The following NF2 variants were observed in gnomAD, a reference collection of about 807,000 sequenced individuals.
The protein encoded by NF2 is NF2, moesin-ezrin-radixin like (MERLIN) tumor suppressor, also known as merlin.
Under a neutral mutation model 83.7 loss-of-function variants are expected in NF2, and 8 were observed. That is an observed-to-expected ratio of 0.10 (90% CI 0.06 to 0.17). The LOEUF (loss-of-function observed/expected upper bound fraction) is 0.17. NF2 is among the 10% of genes least tolerant of loss of function. The pLI is 1.00. For missense variants in NF2, 533 were observed against 744.4 expected, an observed-to-expected ratio of 0.72 and a Z score of 3.31; for synonymous variants, 266 against 269.6, an observed-to-expected ratio of 0.99 and a Z score of 0.13.
intron 4 of NF2, among the ~76,000 whole-genome samples, chr22:29,648,675 G>A (rs1383555330): frequency 6.6e-6 from 1 of 152,172 alleles, no homozygotes; most frequent in Non-Finnish European, 1.5e-5. Flanking sequence ...TCACCCAGGT[G>A]GCACAATCTC....
At chr22:29,640,876 G>A (rs2065788984) in intron 3 of NF2, among the ~76,000 whole-genome samples, 2 of 152,184 alleles carry the variant, frequency 1.3e-5, no homozygotes, top group South Asian at 2.1e-4. Context: ...GCTCATGCCT[G>A]TAATCCCAGC....
Position 29,694,765 on chromosome 22 carries a change from G to A in NF2, c.1751G>A (p.Ser584Asn), listed in dbSNP as rs761874138. 1.2e-6 allele frequency: 2 copies of A among 1,613,866 alleles called. No homozygotes were observed. Among genetic ancestry groups the A allele is most frequent in the Non-Finnish European group, 1.7e-6 (2 of 1,179,918 alleles). The change falls in exon 16 of 16, where the codon AGC becomes AAC. Residue 584 changes from serine (S) to asparagine (N), a missense_variant. Coordinates refer to ENST00000338641, the MANE Select transcript of NF2 (RefSeq NM_000268.4). The surrounding 1 kb of genome is among the most constrained non-coding windows in gnomAD (Gnocchi z 4.1). ...HNTIKKLTLQSAKSRVAFFEE... is the reference protein window; with the variant it reads ...HNTIKKLTLQNAKSRVAFFEE... ...GCTTTCTTACAGCTCACCTTGCAGA[G>A]CGCCAAGTCCCGAGTGGCCTTCTTT...
chr22:29,671,997 T>G, intron 11 of NF2, 49 bp downstream of exon 11: 1 of 1,613,520 alleles, frequency 6.2e-7, no homozygotes, highest in Non-Finnish European at 8.5e-7. Context: ...GGGACTTCCT[T>G]GGCTTTTCTG....
chr22:29,689,780 C>T (rs2067358769), intron 15 of NF2, among the ~76,000 whole-genome samples: 1 of 152,218 alleles, frequency 6.6e-6, no homozygotes, highest in Admixed American at 6.5e-5. Flanking sequence ...TCTCCCCCAA[C>T]CTTCCCTTGC....
intron 1 of NF2, among the ~76,000 whole-genome samples, chr22:29,630,326 G>A (rs1385929863): frequency 1.3e-5 from 2 of 152,148 alleles, no homozygotes; most frequent in African/African-American, 2.4e-5. Context: ...AACATTCTAG[G>A]TTGATAAATT....
At chr22:29,615,957 T>C (rs1269120640) in intron 1 of NF2, among the ~76,000 whole-genome samples, 1 of 152,158 alleles carries the variant, frequency 6.6e-6, no homozygotes, top group African/African-American at 2.4e-5. Flanking sequence ...ATAAACAAAA[T>C]GTGGTCTATC....
chr22:29,616,808 G>C (rs2065093116), intron 1 of NF2, among the ~76,000 whole-genome samples: 1 of 152,116 alleles, frequency 6.6e-6, no homozygotes, highest in South Asian at 2.1e-4. Context: ...ATAGGTGGTG[G>C]GTTGGATTTG....
At chr22:29,618,572 G>C (rs2065134094) in intron 1 of NF2, among the ~76,000 whole-genome samples, 1 of 152,128 alleles carries the variant, frequency 6.6e-6, no homozygotes, top group South Asian at 2.1e-4. Flanking sequence ...TGAGAAAGTG[G>C]GTGCTGAGTG....
At chr22:29,664,264 T>G (rs1187978241) in intron 8 of NF2, among the ~76,000 whole-genome samples, 1 of 152,016 alleles carries the variant, frequency 6.6e-6, no homozygotes, top group Non-Finnish European at 1.5e-5. Flanking sequence ...TGAGCCACCA[T>G]ATCTGGCCGC....
chr22:29,637,687 C>T (rs994979869), intron 2 of NF2, among the ~76,000 whole-genome samples: 7 of 126,070 alleles, frequency 5.6e-5, no homozygotes, highest in Admixed American at 3.9e-4. Flanking sequence ...ATGAAAGCTT[C>T]CTATTTTTTT....
chr22:29,648,131 A>AAAATAAATAAAT lies in NF2; in HGVS notation c.447+5870_447+5881dup, dbSNP rs56407600. ...GGACGACAGAGTGAGACTCCATCTCAAAATAAATAAATAAATAAATAAATA... is the reference window on the plus strand; with the variant it reads ...GGACGACAGAGTGAGACTCCATCTCAAAATAAATAAATAAATAAATAAATAAATAAATAAATA... On this transcript the variant is annotated intron_variant, in intron 4 of 15. Coordinates refer to ENST00000338641, the MANE Select transcript of NF2 (RefSeq NM_000268.4). Among the ~76,000 whole-genome samples the AAAATAAATAAAT allele has an allele frequency of 6.8e-3, 995 of 145,342 alleles. 10 individuals carry two copies. Among genetic ancestry groups the AAAATAAATAAAT allele is most frequent in the East Asian group, 0.017 (85 of 4,960 alleles).
chr22:29,684,036 T>C (rs2067214334), intron 15 of NF2: 1 of 529,034 alleles, frequency 1.9e-6, no homozygotes, highest in Non-Finnish European at 2.5e-6. Context: ...AATAAGCTCA[T>C]TGGAACCTTT....
intron 15 of NF2, among the ~76,000 whole-genome samples, chr22:29,686,104 A>G (rs183765833): frequency 1.3e-5 from 2 of 152,350 alleles, no homozygotes; most frequent in East Asian, 3.9e-4. Context: ...GTGGATAAAA[A>G]TAGTCTTTGC....
chr22:29,637,694 T>A lies in NF2; in HGVS notation c.240+818T>A, dbSNP rs1264547929. ...AATAAATAATGAAAGCTTCCTATTTTTTTTTTTTTTACCAGTTTGACTCAA... is the reference window on the plus strand; with the variant it reads ...AATAAATAATGAAAGCTTCCTATTTATTTTTTTTTTACCAGTTTGACTCAA... On this transcript the variant is annotated intron_variant, in intron 2 of 15. Transcript: ENST00000338641. 2.6e-5 allele frequency among the ~76,000 whole-genome samples: 4 copies of A among 152,184 alleles called. No homozygotes were observed. In the South Asian group the frequency reaches 8.3e-4, roughly 32 times the overall value.
intron 4 of NF2, among the ~76,000 whole-genome samples, chr22:29,645,028 G>A (rs2065945484): frequency 6.6e-6 from 1 of 152,122 alleles, no homozygotes; most frequent in Non-Finnish European, 1.5e-5. Flanking sequence ...TTTAATTAAA[G>A]GTGTTCATGA....
In NF2 at chr22:29,677,557, C is replaced by G. The variant is rs374520578; in HGVS notation, c.1447-639C>G. Among the ~76,000 whole-genome samples the G allele has an allele frequency of 6.7e-5, 10 of 149,784 alleles. No individual in the cohort carries two copies. In the East Asian group the frequency reaches 2.0e-3, roughly 30 times the overall value. On this transcript the variant is annotated intron_variant, in intron 13 of 15. Transcript: ENST00000338641. Reference sequence around the variant, plus strand: ...CAGGCCCTACTCCGGTTCCATTGTCCAAGCCCAAGCCCCTCGGTGGGCCGG... The same window carrying G: ...CAGGCCCTACTCCGGTTCCATTGTCGAAGCCCAAGCCCCTCGGTGGGCCGG...
At chr22:29,682,820 G>C (rs1355976038) in intron 15 of NF2, among the ~76,000 whole-genome samples, 1 of 152,106 alleles carries the variant, frequency 6.6e-6, no homozygotes, top group Non-Finnish European at 1.5e-5. Flanking sequence ...CATTTCCACT[G>C]CTGCTGCAAT....
chr22:29,619,319 AC>A (rs2146750553), intron 1 of NF2, among the ~76,000 whole-genome samples: 1 of 152,194 alleles, frequency 6.6e-6, no homozygotes, highest in East Asian at 1.9e-4. Flanking sequence ...TGCTGGGATT[AC>A]AGGCACGAGC....
chr22:29,607,962 C>T (rs986357248), intron 1 of NF2, among the ~76,000 whole-genome samples: 8 of 151,558 alleles, frequency 5.3e-5, no homozygotes, highest in Admixed American at 5.3e-4. Flanking sequence ...CACCTGAGGT[C>T]GGGAGTTCGA....
Sources: gnomAD v4.1 joint callset for allele counts (sites outside exome capture counted in the v4.1 genomes callset) on GRCh38, gnomAD v4.1.1 for gene constraint, Gnocchi (gnomAD v3.1) non-coding constraint, MANE v1.5 for transcripts, NCBI Gene and HGNC (gene_info 2026-07-23, HGNC 2026-07-21) for gene names.